The following SLC5A4 variants were observed in gnomAD, a reference collection of about 807,000 sequenced individuals.
The protein encoded by SLC5A4 is solute carrier family 5 member 4.
In SLC5A4, 55 loss-of-function variants were observed where a neutral mutation model predicts 70.3. The ratio of observed to expected loss-of-function variants is 0.78; its 90% confidence interval spans 0.63 to 0.98. The LOEUF is 0.98. Among genes scored for constraint, SLC5A4 ranks in the 50% least tolerant of loss-of-function variants. SLC5A4 has a pLI of 0.00. For missense variants in SLC5A4, 735 were observed against 839.2 expected, an observed-to-expected ratio of 0.88 and a Z score of 1.53; for synonymous variants, 268 against 305.7, an observed-to-expected ratio of 0.88 and a Z score of 1.29.
At chr22:32,322,044 G>A in the SLC5A4 span, among the ~76,000 whole-genome samples, 1 of 152,166 alleles carries the variant, frequency 6.6e-6, no homozygotes, top group Admixed American at 6.5e-5. Flanking sequence ...AGGCTTGGAG[G>A]GTGGGAGAAT....
the SLC5A4 span, among the ~76,000 whole-genome samples, chr22:32,290,362 AGTTT>A: frequency 4.0e-5 from 6 of 151,314 alleles, no homozygotes; most frequent in Admixed American, 1.3e-4. Context: ...TTCCTGTGTT[AGTTT>A]GTTTGCTGAG....
chr22:32,330,593 TG>T, the SLC5A4 span, among the ~76,000 whole-genome samples: 5 of 121,884 alleles, frequency 4.1e-5, no homozygotes, highest in Non-Finnish European at 6.6e-5. Flanking sequence ...GGTGTGTGTG[TG>T]TGTGTAGGAA....
intron 8 of SLC5A4, among the ~76,000 whole-genome samples, chr22:32,233,861 C>CA (rs200295046): frequency 0.015 from 1,955 of 130,544 alleles, 20 homozygotes; most frequent in African/African-American, 0.028. Context: ...TTCCAGGAAC[C>CA]AAAAAAAAAA....
the SLC5A4 span, among the ~76,000 whole-genome samples, chr22:32,300,578 G>A: frequency 6.6e-6 from 1 of 151,248 alleles, no homozygotes; most frequent in Non-Finnish European, 1.5e-5. Flanking sequence ...CTAGTGAGAT[G>A]AACCCGGTAC....
chr22:32,323,464 C>T, the SLC5A4 span, among the ~76,000 whole-genome samples: 1 of 152,232 alleles, frequency 6.6e-6, no homozygotes, highest in East Asian at 1.9e-4. Flanking sequence ...GACCCAAGAG[C>T]CCATCTCCAA....
the SLC5A4 span, among the ~76,000 whole-genome samples, chr22:32,274,179 A>G: frequency 1.3e-5 from 2 of 151,856 alleles, no homozygotes; most frequent in South Asian, 4.2e-4. Context: ...AGCTGGGACT[A>G]CAGGTGCCCG....
At chr22:32,328,847 G>A in the SLC5A4 span, among the ~76,000 whole-genome samples, 7 of 152,350 alleles carry the variant, frequency 4.6e-5, no homozygotes, top group South Asian at 1.4e-3. Context: ...TGGAGATTGT[G>A]CATCTGGACA....
chr22:32,311,923 C>A, the SLC5A4 span, among the ~76,000 whole-genome samples: 1 of 152,110 alleles, frequency 6.6e-6, no homozygotes, highest in African/African-American at 2.4e-5. Context: ...GGTTCCTGCA[C>A]CCCTGAGGTC....
At chr22:32,270,980 G>C in the SLC5A4 span, 1 of 527,420 alleles carries the variant, frequency 1.9e-6, no homozygotes, top group Non-Finnish European at 3.5e-6. Flanking sequence ...GGGCCACAGT[G>C]GCTTGGAGGC....
At chr22:32,290,971 CT>C in the SLC5A4 span, among the ~76,000 whole-genome samples, 2 of 152,112 alleles carry the variant, frequency 1.3e-5, no homozygotes, top group African/African-American at 4.8e-5. Flanking sequence ...CCATTTCAGC[CT>C]CTTTTTTATG....
the SLC5A4 span, chr22:32,271,875 C>G: frequency 3.3e-6 from 2 of 598,422 alleles, no homozygotes; most frequent in African/African-American, 1.8e-5. Flanking sequence ...CACTGTGTGG[C>G]TTACCATGTG....
At chr22:32,332,462 AT>A in the SLC5A4 span, among the ~76,000 whole-genome samples, 2 of 151,956 alleles carry the variant, frequency 1.3e-5, no homozygotes, top group Non-Finnish European at 1.5e-5. Flanking sequence ...ATTCCTTTCC[AT>A]CCTACAGATC....
chr22:32,233,015 A>C lies in SLC5A4; in HGVS notation c.905T>G (p.Leu302Arg). Reference sequence around the variant, plus strand: ...CACGTGAGACATGTCCTTGCCACACAGGCAGCGCTGCACAATGACCTGCCG... The same window carrying C: ...CACGTGAGACATGTCCTTGCCACACCGGCAGCGCTGCACAATGACCTGCCG... The part of the protein sequence containing the change: ...CTNQVIVQRC[L>R]CGKDMSHVKA... Residue 302 changes from leucine to arginine, a missense_variant, in exon 9 of 15, where the codon CTG (leucine) becomes CGG (arginine). Physicochemically the swap from Leu to Arg is moderately radical, Grantham distance 102. Transcript: ENST00000266086. 1 of 1,614,024 alleles carries C rather than the reference A, an allele frequency of 6.2e-7. No homozygotes were observed. The highest frequency in any genetic ancestry group is 8.5e-7 in the Non-Finnish European group (1 of 1,179,922).
the SLC5A4 span, among the ~76,000 whole-genome samples, chr22:32,303,232 A>C: frequency 3.2e-3 from 482 of 152,300 alleles, 3 homozygotes; most frequent in African/African-American, 0.011. Context: ...TTTTAGGGAG[A>C]CATGAGACAT....
chr22:32,309,307 C>T, the SLC5A4 span, among the ~76,000 whole-genome samples: 1 of 152,318 alleles, frequency 6.6e-6, no homozygotes, highest in Admixed American at 6.5e-5. Flanking sequence ...TCCTTACAAA[C>T]GCGGTAGTTC....
chr22:32,306,633 G>T, the SLC5A4 span, among the ~76,000 whole-genome samples: 1 of 152,142 alleles, frequency 6.6e-6, no homozygotes, highest in African/African-American at 2.4e-5. Context: ...GAGTTTACAG[G>T]AGAGAAAATA....
the SLC5A4 span, among the ~76,000 whole-genome samples, chr22:32,278,378 C>A: frequency 1.3e-5 from 2 of 152,178 alleles, no homozygotes; most frequent in Non-Finnish European, 2.9e-5. Flanking sequence ...ATGCACATTT[C>A]TTACCCTCAT....
chr22:32,319,080 C>G, the SLC5A4 span, among the ~76,000 whole-genome samples: 1 of 152,002 alleles, frequency 6.6e-6, no homozygotes, highest in Non-Finnish European at 1.5e-5. Context: ...AATTCACACT[C>G]TCTGCCTGCC....
At chr22:32,306,089 T>TTGAAACATTGA in the SLC5A4 span, among the ~76,000 whole-genome samples, 1 of 152,128 alleles carries the variant, frequency 6.6e-6, no homozygotes, top group Non-Finnish European at 1.5e-5. Context: ...TGAGCTCATT[T>TTGAAACATTGA]TGAAACATTG....
Sources: allele counts gnomAD v4.1 joint callset (sites outside exome capture counted in the v4.1 genomes callset), GRCh38; gene constraint gnomAD v4.1.1; transcripts MANE v1.5; gene names NCBI Gene and HGNC (gene_info 2026-07-23, HGNC 2026-07-21).